TJP1: variants seen among roughly 807,000 people sequenced by gnomAD.
TJP1 encodes the protein tight junction protein ZO-1.
TJP1 carries 43 observed loss-of-function variants against 194.2 expected under a neutral mutation model. That is an observed-to-expected ratio of 0.22 (90% CI 0.17 to 0.29). The LOEUF (loss-of-function observed/expected upper bound fraction) is 0.29. Ranked by LOEUF, TJP1 falls within the 10% of genes least tolerant of loss-of-function variation. TJP1 has a pLI of 1.00. For missense variants in TJP1, 1,971 were observed against 2,185.7 expected, an observed-to-expected ratio of 0.90 and a Z score of 1.96; for synonymous variants, 801 against 779.0, an observed-to-expected ratio of 1.03 and a Z score of -0.47.
intron 2 of TJP1, among the ~76,000 whole-genome samples, chr15:29,937,845 C>T (rs1287392405): frequency 6.6e-6 from 1 of 152,124 alleles, no homozygotes; most frequent in Admixed American, 6.5e-5. Flanking sequence ...CAAGCATTTC[C>T]CATCCACTAG....
At chr15:29,796,082 C>T (rs920424437) in intron 2 of TJP1, among the ~76,000 whole-genome samples, 4 of 151,458 alleles carry the variant, frequency 2.6e-5, no homozygotes, top group African/African-American at 9.7e-5. Flanking sequence ...AAAAAAAAAA[C>T]CACTTACTGG....
intron 2 of TJP1, among the ~76,000 whole-genome samples, chr15:29,790,758 T>C (rs1010126318): frequency 1.3e-5 from 2 of 151,774 alleles, no homozygotes; most frequent in African/African-American, 4.8e-5. Flanking sequence ...TTTCTTTTTT[T>C]TTTTTTTTTT....
intron 2 of TJP1, among the ~76,000 whole-genome samples, chr15:29,936,105 C>T (rs2152276720): frequency 6.6e-6 from 1 of 152,180 alleles, no homozygotes; most frequent in Admixed American, 6.5e-5. Flanking sequence ...TATATGAGTT[C>T]CCTCCTCGCT....
intron 2 of TJP1, among the ~76,000 whole-genome samples, chr15:29,936,939 T>G (rs1005232832): frequency 6.6e-6 from 1 of 152,168 alleles, no homozygotes; most frequent in Admixed American, 6.6e-5. Context: ...TTCCTTTCAT[T>G]TCCTTCTCCA....
intron 1 of TJP1, among the ~76,000 whole-genome samples, chr15:29,818,814 C>A (rs1295118577): frequency 1.3e-5 from 2 of 149,738 alleles, no homozygotes; most frequent in East Asian, 4.0e-4. Flanking sequence ...CACGTTTTTT[C>A]CTTCATTACT....
intron 10 of TJP1, among the ~76,000 whole-genome samples, chr15:29,739,831 G>GA (rs1369029683): frequency 6.6e-6 from 1 of 152,006 alleles, no homozygotes; most frequent in East Asian, 1.9e-4. Flanking sequence ...GAAAAGAAGG[G>GA]GACTATCTAT....
chr15:29,718,035 G>C lies in TJP1; in HGVS notation c.3960C>G (p.Asp1320Glu). 6.2e-7 allele frequency: 1 copy of C among 1,611,160 alleles called. No homozygotes were observed. The highest frequency in any genetic ancestry group is 8.5e-7 in the Non-Finnish European group (1 of 1,179,488). ...PTSQNQFSEH[D>E]KTLYRIPEPQ... ...AGTGTACTCACCTGTACAGAGTTTTGTCATGTTCACTGAATTGATTCTGAG... is the reference window on the plus strand; with the variant it reads ...AGTGTACTCACCTGTACAGAGTTTTCTCATGTTCACTGAATTGATTCTGAG... Residue 1320 changes from aspartate to glutamate, a missense_variant, in exon 22 of 28, where the codon GAC (aspartate) becomes GAG (glutamate). Asp to Glu is a conservative substitution (Grantham distance 45). Around this residue, in one of 5 missense-constraint regions of TJP1, gnomAD observed 1,108 missense variants for 1,128.5 expected, o/e 0.98. Transcript: ENST00000614355.
At chr15:29,803,098 T>C (rs1284912911) in intron 1 of TJP1, among the ~76,000 whole-genome samples, 1 of 152,184 alleles carries the variant, frequency 6.6e-6, no homozygotes, top group African/African-American at 2.4e-5. Context: ...AAACAAAATG[T>C]TAACATTGTT....
At chr15:29,773,572 C>T (rs2046827812) in intron 2 of TJP1, among the ~76,000 whole-genome samples, 1 of 152,102 alleles carries the variant, frequency 6.6e-6, no homozygotes, top group African/African-American at 2.4e-5. Flanking sequence ...TAAAAATCGC[C>T]AACTATATAC....
rs1302433782 is a variant in TJP1, at chr15:29,732,532, G to C, written c.1922-4C>G. On this transcript the variant is annotated splice_polypyrimidine_tract_variant and splice_region_variant and intron_variant, in intron 14 of 27. Transcript: ENST00000614355. ...GTTACAGGCCTCAGAAATCCAGCTG[G>C]AGAGAAATTCACATGAAAAACAGCA... 1 of 1,614,042 alleles carries C rather than the reference G, an allele frequency of 6.2e-7. No homozygotes were observed. Among genetic ancestry groups the C allele is most frequent in the East Asian group, 2.2e-5 (1 of 44,876 alleles).
At chr15:29,762,988 A>G (rs145420776) in intron 5 of TJP1, among the ~76,000 whole-genome samples, 2 of 152,320 alleles carry the variant, frequency 1.3e-5, no homozygotes, top group East Asian at 1.9e-4. Flanking sequence ...ATTATCATGC[A>G]TATACTACTT....
intron 1 of TJP1, among the ~76,000 whole-genome samples, chr15:29,802,775 TTCA>T (rs2048872838): frequency 6.6e-6 from 1 of 152,190 alleles, no homozygotes; most frequent in East Asian, 1.9e-4. Context: ...TAGCTCTCAG[TTCA>T]TCTTTTCTTG....
At chr15:29,928,718 C>T (rs1239254763) in intron 2 of TJP1, among the ~76,000 whole-genome samples, 3 of 152,072 alleles carry the variant, frequency 2.0e-5, no homozygotes, top group Non-Finnish European at 1.5e-5. Flanking sequence ...CCAAGGCGGG[C>T]AGATCACGAG....
At chr15:29,790,021 A>C (rs1188364798) in intron 2 of TJP1, among the ~76,000 whole-genome samples, 1 of 152,144 alleles carries the variant, frequency 6.6e-6, no homozygotes, top group Non-Finnish European at 1.5e-5. Context: ...CTTTACAATA[A>C]AACCTGGAGA....
chr15:29,941,212 A>G (rs900011303), intron 2 of TJP1, among the ~76,000 whole-genome samples: 1 of 151,732 alleles, frequency 6.6e-6, no homozygotes, highest in Non-Finnish European at 1.5e-5. Context: ...GAGGCCACAC[A>G]CATCTCCGTG....
intron 2 of TJP1, among the ~76,000 whole-genome samples, chr15:29,846,502 G>T (rs1227756444): frequency 6.6e-6 from 1 of 152,132 alleles, no homozygotes; most frequent in Admixed American, 6.5e-5. Flanking sequence ...AGGGGGAAAT[G>T]ACAAGCAGAG....
At chr15:29,910,899 T>C (rs1291132443) in intron 2 of TJP1, among the ~76,000 whole-genome samples, 2 of 152,182 alleles carry the variant, frequency 1.3e-5, no homozygotes, top group Non-Finnish European at 2.9e-5. Context: ...CAATGAGCCC[T>C]GAAAGACAGG....
At chr15:29,768,061 T>C (rs781505307) in intron 4 of TJP1, among the ~76,000 whole-genome samples, 37 of 152,224 alleles carry the variant, frequency 2.4e-4, no homozygotes, top group African/African-American at 6.3e-4. Context: ...CTTTTCTCTC[T>C]TCTCTATGTG....
rs1183851923 is a variant in TJP1 at position 29,834,028 on chromosome 15, C to T, written c.307-33326G>A. ...CTCCTGAGTAGCTGGGATACAGGCG[C>T]CCGCCACCACGCCCGGCTAATTTTT... On this transcript the variant is annotated intron_variant, in intron 2 of 28. Coordinates refer to the TJP1 transcript ENST00000356107. Among the ~76,000 whole-genome samples, 51 of 126,048 alleles carry T rather than the reference C, an allele frequency of 4.0e-4. 1 individual carries two copies. The highest frequency in any genetic ancestry group is 1.4e-3 in the African/African-American group (49 of 34,370). 82.7% of individuals were successfully genotyped at this position (126,048 alleles called of 152,430 possible). A position where few individuals can be genotyped will look rare whatever the true frequency, so the allele number is the denominator to read the frequency against.
Sources: allele counts gnomAD v4.1 joint callset (sites outside exome capture counted in the v4.1 genomes callset), GRCh38; gene constraint gnomAD v4.1.1; regional missense constraint gnomAD v4.1.1; transcripts MANE v1.5; gene names NCBI Gene and HGNC (gene_info 2026-07-23, HGNC 2026-07-21).